The following STX11 variants were observed in gnomAD, a reference collection of about 807,000 sequenced individuals.
STX11 encodes the protein syntaxin-11.
Under a neutral mutation model 19.9 loss-of-function variants are expected in STX11, and 21 were observed. The observed-to-expected ratio is 1.06, with a 90% CI of 0.75 to 1.52. The LOEUF (loss-of-function observed/expected upper bound fraction) is 1.52, where lower values mean the gene tolerates loss of function less well. Ranked by LOEUF, STX11 falls within the 40% of genes most tolerant of loss-of-function variation. The probability of loss-of-function intolerance (pLI) is 0.00; values close to 1 mark genes in which losing one functional copy is unlikely to be tolerated. For synonymous variants in STX11, 193 were observed against 174.4 expected (o/e 1.11, Z -0.84); for missense variants, 438 against 405.9 (o/e 1.08, Z -0.68).
intron 1 of STX11, among the ~76,000 whole-genome samples, chr6:144,164,258 TAAAGC>T (rs1447235148): frequency 6.6e-6 from 1 of 152,166 alleles, no homozygotes; most frequent in Non-Finnish European, 1.5e-5. Flanking sequence ...AAAAATAAAA[TAAAGC>T]TAATGGATGC....
upstream of STX11, among the ~76,000 whole-genome samples, chr6:144,146,577 G>A (rs186213802): frequency 7.0e-4 from 106 of 152,292 alleles, no homozygotes; most frequent in Non-Finnish European, 1.2e-3. This position sits in a 1 kb window ranked among gnomAD's most constrained non-coding sequence, Gnocchi z 4.4. Context: ...CTCCCAAAGT[G>A]CTGGGATTAC....
chr6:144,146,256 C>A (rs1800871513), upstream of STX11, among the ~76,000 whole-genome samples: 1 of 152,190 alleles, frequency 6.6e-6, no homozygotes, highest in South Asian at 2.1e-4. This position sits in a 1 kb window ranked among gnomAD's most constrained non-coding sequence, Gnocchi z 4.4. Flanking sequence ...CCACGCCCCG[C>A]ACCCAGTGCC....
Position 144,187,291 on chromosome 6 carries a change from C to T in STX11, c.664C>T (p.Arg222Cys), listed in dbSNP as rs762442897. ...ACTGCTGCGCCTGGAGAGCCGCATC[C>T]GCGACGTACACGAGCTCTTCTTGCA... is the stretch of plus-strand genomic sequence containing the variant. ...RELLRLESRI[R>C]DVHELFLQMA... Residue 222 changes from arginine (R) to cysteine (C), a missense_variant, in exon 2 of 2, where the codon CGC becomes TGC. Transcript: ENST00000367568. This position sits in a 1 kb window ranked among gnomAD's most constrained non-coding sequence, Gnocchi z 5.6. 1 of 1,612,922 alleles carries T rather than the reference C, an allele frequency of 6.2e-7. No individual in the cohort carries two copies. The highest frequency in any genetic ancestry group is 8.5e-7 in the Non-Finnish European group (1 of 1,179,958).
rs148059253 is a variant in STX11, at chr6:144,162,456, G to A, written c.-6+11753G>A. Among the ~76,000 whole-genome samples the A allele has an allele frequency of 3.9e-4, 59 of 152,268 alleles. No homozygotes were observed. The East Asian group carries it at 6.6e-3, about 17-fold the overall frequency. The stretch of plus-strand genomic sequence containing the variant: ...GCCTTTAGAAAGTTCCTTTAGTGGA[G>A]TTTTGGAAGGGAGCAAAAGTAATGT... On this transcript the variant is annotated intron_variant, in intron 1 of 1. Transcript: ENST00000367568. The surrounding 1 kb of genome is among the most constrained non-coding windows in gnomAD (Gnocchi z 4.6).
chr6:144,185,877 T>A (rs1223911710), intron 1 of STX11, among the ~76,000 whole-genome samples: 1 of 152,038 alleles, frequency 6.6e-6, no homozygotes, highest in Non-Finnish European at 1.5e-5. Flanking sequence ...GAGAAAAAAA[T>A]TTAAATCATG....
In STX11 at chr6:144,183,487, G is replaced by T. The variant is rs1801956924; in HGVS notation, c.-5-3136G>T. Among the ~76,000 whole-genome samples, 1 of 152,134 alleles carries T rather than the reference G, an allele frequency of 6.6e-6. No homozygotes were observed. Among genetic ancestry groups the T allele is most frequent in the Admixed American group, 6.5e-5 (1 of 15,280 alleles). ...GTCAAAACAAATGCACACTTGAAAA[G>T]CTTTTGATACATATTACTAAACTGA... On this transcript the variant is annotated intron_variant, in intron 1 of 1. Transcript: ENST00000367568. The surrounding 1 kb of genome is among the most constrained non-coding windows in gnomAD (Gnocchi z 4.6).
chr6:144,150,288 A>T (rs562425030), upstream of STX11, among the ~76,000 whole-genome samples: 140 of 151,880 alleles, frequency 9.2e-4, no homozygotes, highest in African/African-American at 3.3e-3. Context: ...CAAACATCCC[A>T]CTCCCCGCGC....
Position 144,162,036 on chromosome 6 carries a change from C to T in STX11, c.-6+11333C>T, listed in dbSNP as rs772498534. On this transcript the variant is annotated intron_variant, in intron 1 of 1. Transcript: ENST00000367568. This position sits in a 1 kb window ranked among gnomAD's most constrained non-coding sequence, Gnocchi z 4.6. The stretch of plus-strand genomic sequence containing the variant: ...TTCCATGTAAAAATATTCACTGAAT[C>T]CTCCTCTTTTCAGTTGGCTACCTCT... Among the ~76,000 whole-genome samples the T allele has an allele frequency of 2.0e-5, 3 of 152,066 alleles. No homozygotes were observed. The highest frequency in any genetic ancestry group is 4.4e-5 in the Non-Finnish European group (3 of 68,024).
chr6:144,146,935 G>A (rs1316572618), upstream of STX11, among the ~76,000 whole-genome samples: 3 of 152,190 alleles, frequency 2.0e-5, no homozygotes, highest in Non-Finnish European at 4.4e-5. The surrounding 1 kb of genome is among the most constrained non-coding windows in gnomAD (Gnocchi z 4.4). Context: ...TGGGGATTAA[G>A]TGTGGCATTT....
At chr6:144,164,950 G>T (rs545488800) in intron 1 of STX11, among the ~76,000 whole-genome samples, 86 of 152,158 alleles carry the variant, frequency 5.7e-4, no homozygotes, top group Non-Finnish European at 1.0e-3. Flanking sequence ...GCCTGCCTCG[G>T]CCTCCCAAAG....
rs1209112668 is a variant in STX11 at position 144,169,527 on chromosome 6, A to G, written c.-5-17096A>G. On this transcript the variant is annotated intron_variant, in intron 1 of 1. Transcript: ENST00000367568. The surrounding 1 kb of genome is among the most constrained non-coding windows in gnomAD (Gnocchi z 5.2). ...ATGTTTATGGCCAGCATACCATTAA[A>G]TGGCATGTGTTCAGTGTAAGGCTGA... Among the ~76,000 whole-genome samples, 3 of 152,188 alleles carry G rather than the reference A, an allele frequency of 2.0e-5. No individual in the cohort carries two copies. In the East Asian group the frequency reaches 5.8e-4, roughly 29 times the overall value.
chr6:144,187,473 C>T lies in STX11; in HGVS notation c.846C>T (p.Cys282=), dbSNP rs755051553. Residue 282 remains cysteine, a synonymous_variant, in exon 2 of 2, where the codon TGC becomes TGT. Transcript: ENST00000367568. The surrounding 1 kb of genome is among the most constrained non-coding windows in gnomAD (Gnocchi z 5.6). ...CCTGCCGGACCCTCTGCTGCTTCTG[C>T]TGTCCCTGCCTCAAGTAGCAGGCCG... ...KNPCRTLCCF[C]CPCLK 1 of 1,612,346 alleles carries T rather than the reference C, an allele frequency of 6.2e-7. No homozygotes were observed. Among genetic ancestry groups the T allele is most frequent in the Non-Finnish European group, 8.5e-7 (1 of 1,179,962 alleles).
At chr6:144,149,928 T>C (rs1345177453), upstream of STX11, among the ~76,000 whole-genome samples, 2 of 152,102 alleles carry the variant, frequency 1.3e-5, no homozygotes, top group African/African-American at 4.8e-5. This position sits in a 1 kb window ranked among gnomAD's most constrained non-coding sequence, Gnocchi z 5.1. Context: ...GGCAGTATTT[T>C]TGAGCGCGGT....
upstream of STX11, among the ~76,000 whole-genome samples, chr6:144,150,228 G>A (rs1020517615): frequency 3.3e-5 from 5 of 152,256 alleles, no homozygotes; most frequent in Non-Finnish European, 5.9e-5. Flanking sequence ...AGTCCAGCGC[G>A]CTCCCTGCCC....
Position 144,188,088 on chromosome 6 carries a change from T to C in STX11, c.*597T>C. On this transcript the variant is annotated 3_prime_UTR_variant, in exon 2 of 2. Transcript: ENST00000367568. ...ACACCAAACACTTACTATTTTCTTA[T>C]CTCTTTCACTTTTTAAATATCTTTC... 1 of 242,422 alleles carries C rather than the reference T, an allele frequency of 4.1e-6. No individual in the cohort carries two copies. The highest frequency in any genetic ancestry group is 8.7e-6 in the Non-Finnish European group (1 of 114,864). The allele number at this position is 242,422 out of a possible 1,614,324, so 15.0% of individuals were successfully genotyped here.
rs895243557 is a variant in STX11, at chr6:144,151,523, A to G, written c.-6+820A>G. ...TAGATGTGAAATGCCTGCCCTGCCA[A>G]CCTGGGGCAGTGGTATGGGAAGTGA... On this transcript the variant is annotated intron_variant, in intron 1 of 1. Coordinates refer to ENST00000367568, the MANE Select transcript of STX11 (RefSeq NM_003764.4). The surrounding 1 kb of genome is among the most constrained non-coding windows in gnomAD (Gnocchi z 4.6). 26 of 747,862 alleles carry G rather than the reference A, an allele frequency of 3.5e-5. No individual in the cohort carries two copies. Among genetic ancestry groups the G allele is most frequent in the Non-Finnish European group, 3.8e-5 (23 of 612,926 alleles). 46.3% of individuals were successfully genotyped at this position (747,862 alleles called of 1,614,324 possible).
At position 144,187,239 on chromosome 6, in the gene STX11, C is replaced by A. The variant is rs749506916; in HGVS notation, c.612C>A (p.Leu204=). 6 of 1,613,758 alleles carry A rather than the reference C, an allele frequency of 3.7e-6. No individual in the cohort carries two copies. In the African/African-American group the frequency reaches 8.0e-5, roughly 22 times the overall value. The change falls in exon 2 of 2, where the codon CTC becomes CTA. Residue 204 remains leucine, a synonymous_variant. Coordinates refer to ENST00000367568, the MANE Select transcript of STX11 (RefSeq NM_003764.4). This position sits in a 1 kb window ranked among gnomAD's most constrained non-coding sequence, Gnocchi z 5.6. ...LADVKGARAA[L]NEIESRHREL... ...ACGTGAAGGGCGCGCGGGCCGCCCTCAACGAGATCGAGAGCCGCCACCGCG... is the reference window on the plus strand; with the variant it reads ...ACGTGAAGGGCGCGCGGGCCGCCCTAAACGAGATCGAGAGCCGCCACCGCG...
intron 1 of STX11, among the ~76,000 whole-genome samples, chr6:144,163,399 C>G (rs1348933126): frequency 1.3e-5 from 2 of 152,070 alleles, no homozygotes; most frequent in Non-Finnish European, 2.9e-5. Context: ...ATAGCGAGAC[C>G]CCATCTCTAC....
chr6:144,186,573 A>G, intron 1 of STX11, 50 bp from the exon 2 acceptor site: 3 of 1,612,894 alleles, frequency 1.9e-6, no homozygotes, highest in Non-Finnish European at 2.5e-6. Context: ...CTTGAAGGCA[A>G]ATATTTGACT....
Sources: allele counts gnomAD v4.1 joint callset (sites outside exome capture counted in the v4.1 genomes callset), GRCh38; gene constraint gnomAD v4.1.1; non-coding constraint Gnocchi (gnomAD v3.1); transcripts MANE v1.5; gene names NCBI Gene and HGNC (gene_info 2026-07-23, HGNC 2026-07-21).